Variants in PKD2 observed in about 807,000 individuals in gnomAD.
PKD2 encodes the protein polycystin 2, transient receptor potential cation channel.
A neutral mutation model predicts 105.9 loss-of-function variants in PKD2; 48 were observed. The ratio of observed to expected loss-of-function variants is 0.45; its 90% CI spans 0.36 to 0.58. The LOEUF (loss-of-function observed/expected upper bound fraction) is 0.58. PKD2 is among the 20% of genes least tolerant of loss of function. PKD2 has a pLI of 0.00. For synonymous variants in PKD2, 464 were observed against 481.1 expected (o/e 0.96, Z 0.46); for missense variants, 1,078 against 1,255.3 (o/e 0.86, Z 2.13).
rs1328703923 is a variant in PKD2, at chr4:88,056,215, T to C, written c.1846T>C (p.Tyr616His). The stretch of plus-strand genomic sequence containing the variant: ...TTTCCTAGCGTATGCTCAGTTGGCA[T>C]ACCTTGTCTTTGGCACTCAGGTCGA... Reference protein sequence around the residue: ...IIFLAYAQLAYLVFGTQVDDF... With the variant: ...IIFLAYAQLAHLVFGTQVDDF... The change falls in exon 8 of 15, where the codon TAC becomes CAC. Residue 616 changes from tyrosine to histidine, a missense_variant. This residue lies in a region of PKD2 where 868 missense variants were observed against 1,067.3 expected (regional missense o/e 0.81). Coordinates refer to ENST00000237596, the MANE Select transcript of PKD2 (RefSeq NM_000297.4). The C allele has an allele frequency of 6.2e-7, 1 of 1,613,626 alleles. No homozygotes were observed. Among genetic ancestry groups the C allele is most frequent in the East Asian group, 2.2e-5 (1 of 44,878 alleles).
At chr4:88,021,075 A>T (rs1392449539) in intron 2 of PKD2, among the ~76,000 whole-genome samples, 1 of 152,220 alleles carries the variant, frequency 6.6e-6, no homozygotes, top group African/African-American at 2.4e-5. Context: ...TTAAACATTA[A>T]ACTGCAGTGG....
chr4:88,055,980 A>G, intron 7 of PKD2, 106 bp from the exon 8 acceptor site: 1 of 814,020 alleles, frequency 1.2e-6, no homozygotes, highest in South Asian at 1.4e-5. Flanking sequence ...CCATGTTGTA[A>G]CCTGTCAGAA....
intron 1 of PKD2, among the ~76,000 whole-genome samples, chr4:88,018,649 GTCCAAAACTGCGGTCA>G (rs1726642741): frequency 1.3e-5 from 2 of 152,178 alleles, no homozygotes; most frequent in Non-Finnish European, 2.9e-5. Flanking sequence ...TGCTGGCTGA[GTCCAAAACTGCGGTCA>G]CTCTCTCCAG....
chr4:88,036,525 C>A (rs1278503549), intron 3 of PKD2, 172 bp downstream of exon 3: 4 of 599,126 alleles, frequency 6.7e-6, no homozygotes, highest in African/African-American at 6.0e-5. Flanking sequence ...AGGGGGTAAA[C>A]TAACATTGAG....
chr4:88,030,491 G>A (rs897800857), intron 2 of PKD2, among the ~76,000 whole-genome samples: 6 of 152,164 alleles, frequency 3.9e-5, no homozygotes, highest in African/African-American at 1.4e-4. Context: ...TTACTTAAAC[G>A]ATCTTTACTT....
chr4:88,071,464 TG>T lies in PKD2; in HGVS notation c.2523-3345del, dbSNP rs369772887. On this transcript the variant is annotated intron_variant, in intron 13 of 14. Transcript: ENST00000237596. Reference sequence around the variant, plus strand: ...GTCTTTGTCTGCTAAGTCTGACATCTGGGCCCTCTCAAAGACAGTTTCAGTT... The same window carrying T: ...GTCTTTGTCTGCTAAGTCTGACATCTGGCCCTCTCAAAGACAGTTTCAGTT... Among the ~76,000 whole-genome samples, 270 of 152,238 alleles carry T rather than the reference TG, an allele frequency of 1.8e-3. 1 individual carries two copies. The highest frequency in any genetic ancestry group is 6.1e-3 in the African/African-American group (254 of 41,554).
At chr4:88,044,646 A>G (rs1224529353) in intron 5 of PKD2, among the ~76,000 whole-genome samples, 2 of 152,210 alleles carry the variant, frequency 1.3e-5, no homozygotes. Flanking sequence ...CACAAAATTC[A>G]TTTATGTTTC....
chr4:88,007,958 T>G lies in PKD2; in HGVS notation c.225T>G (p.Pro75=). ...CCCCGGCCGGAGCCGCGGCCTCCCCTTCTCCTCCGCTCTCGTCGTGCTCCC... is the reference window on the plus strand; with the variant it reads ...CCCCGGCCGGAGCCGCGGCCTCCCCGTCTCCTCCGCTCTCGTCGTGCTCCC... The part of the protein sequence containing the change: ...RDPPAGAAAS[P]SPPLSSCSRQ... The change falls in exon 1 of 15, where the codon CCT becomes CCG. Residue 75 remains proline, a synonymous_variant. Transcript: ENST00000237596. The G allele has an allele frequency of 6.7e-7, 1 of 1,487,104 alleles. No homozygotes were observed. The highest frequency in any genetic ancestry group is 8.9e-7 in the Non-Finnish European group (1 of 1,121,026). The allele number at this position is 1,487,104 out of a possible 1,614,324, so 92.1% of individuals were successfully genotyped here.
chr4:88,011,989 A>G (rs773091383), intron 1 of PKD2, among the ~76,000 whole-genome samples: 4 of 151,626 alleles, frequency 2.6e-5, no homozygotes, highest in East Asian at 1.9e-4. Context: ...TGCCCCTGGC[A>G]TCTCCTGGGT....
chr4:88,045,041 AC>A (rs2110114072), intron 5 of PKD2, among the ~76,000 whole-genome samples: 1 of 152,366 alleles, frequency 6.6e-6, no homozygotes, highest in African/African-American at 2.4e-5. Flanking sequence ...GAGAATAAAA[AC>A]AGAGAGGCAA....
intron 1 of PKD2, among the ~76,000 whole-genome samples, chr4:88,014,439 C>T (rs1157801752): frequency 6.7e-6 from 1 of 150,114 alleles, no homozygotes; most frequent in Non-Finnish European, 1.5e-5. Flanking sequence ...ATTGCTTGAG[C>T]CTGGGAATCC....
intron 7 of PKD2, among the ~76,000 whole-genome samples, chr4:88,054,394 C>T (rs569397449): frequency 8.3e-5 from 12 of 143,942 alleles, no homozygotes; most frequent in South Asian, 2.2e-4. Context: ...AGCAGCACTT[C>T]GTCTCAAAAA....
intron 14 of PKD2, 82 bp from the exon 15 acceptor site, chr4:88,075,376 A>C (rs1721192419): frequency 2.0e-6 from 2 of 1,016,112 alleles, no homozygotes; most frequent in African/African-American, 1.6e-5. Flanking sequence ...AGCCTTACCA[A>C]ACTACAGATT....
At chr4:88,066,009 C>T (rs530684978) in intron 12 of PKD2, 130 bp downstream of exon 12, 77 of 722,010 alleles carry the variant, frequency 1.1e-4, no homozygotes, top group African/African-American at 9.9e-4. Flanking sequence ...CTCTCTCAGT[C>T]GGTTTATGTG....
chr4:88,048,190 C>T (rs1455979757), intron 6 of PKD2, among the ~76,000 whole-genome samples: 2 of 152,184 alleles, frequency 1.3e-5, no homozygotes, highest in African/African-American at 2.4e-5. Context: ...CTATGATAGC[C>T]ATTACCTTCT....
chr4:88,011,911 G>C (rs1418746335), intron 1 of PKD2, among the ~76,000 whole-genome samples: 1 of 122,288 alleles, frequency 8.2e-6, no homozygotes, highest in Non-Finnish European at 1.7e-5. Flanking sequence ...GGGGGGAGGG[G>C]CAGTTTTGCC....
chr4:88,074,807 T>C lies in PKD2; in HGVS notation c.2523-5T>C. On this transcript the variant is annotated splice_region_variant and splice_polypyrimidine_tract_variant and intron_variant, in intron 13 of 14. Transcript: ENST00000237596. ...TTGTCCCTCTGTACTGTGTTTTCCT[T>C]GCAGCCTGGTGAGACGAGTGGACCG... The C allele has an allele frequency of 6.2e-7, 1 of 1,614,012 alleles. No individual in the cohort carries two copies. The highest frequency in any genetic ancestry group is 8.5e-7 in the Non-Finnish European group (1 of 1,179,890).
At position 88,042,349 on chromosome 4, in the gene PKD2, TACTC is replaced by T. The variant is rs1263641597; in HGVS notation, c.1095-880_1095-877del. 3.9e-5 allele frequency among the ~76,000 whole-genome samples: 6 copies of T among 152,280 alleles called. No homozygotes were observed. In the East Asian group the frequency reaches 5.8e-4, roughly 15 times the overall value. On this transcript the variant is annotated intron_variant, in intron 4 of 14. Coordinates refer to ENST00000237596, the MANE Select transcript of PKD2 (RefSeq NM_000297.4). ...TAAAACCATCAGATCTCGTGAGACT[TACTC>T]ACTATCATGAGACCAGCATGGGAAA... is the stretch of plus-strand genomic sequence containing the variant.
intron 1 of PKD2, among the ~76,000 whole-genome samples, chr4:88,012,077 C>T (rs544367501): frequency 2.0e-5 from 3 of 152,274 alleles, no homozygotes; most frequent in African/African-American, 7.2e-5. Context: ...ATTCTCCCAC[C>T]CAAATTGCCA....
Sources: gnomAD v4.1 joint callset for allele counts (sites outside exome capture counted in the v4.1 genomes callset) on GRCh38, gnomAD v4.1.1 for gene constraint, gnomAD v4.1.1 regional missense constraint, MANE v1.5 for transcripts, NCBI Gene and HGNC (gene_info 2026-07-23, HGNC 2026-07-21) for gene names.